Variants in SLC35F2 observed in about 807,000 individuals in gnomAD.
SLC35F2 encodes queuine/queuosine transporter SLC35F2.
A neutral mutation model predicts 38.1 loss-of-function variants in SLC35F2; 25 were observed. The ratio of observed to expected loss-of-function variants is 0.66; its 90% CI spans 0.48 to 0.92. The LOEUF is 0.92. Among genes scored for constraint, SLC35F2 ranks in the 40% least tolerant of loss-of-function variants. SLC35F2 has a pLI of 0.00. For missense variants in SLC35F2, 409 were observed against 452.9 expected (o/e 0.90, Z 0.88); for synonymous variants, 173 against 181.7 (o/e 0.95, Z 0.38).
At chr11:107,797,146 T>A (rs1368944850) in intron 7 of SLC35F2, among the ~76,000 whole-genome samples, 1 of 152,178 alleles carries the variant, frequency 6.6e-6, no homozygotes, top group Non-Finnish European at 1.5e-5. Flanking sequence ...GTCTTATGTA[T>A]CCCATAAATA....
In SLC35F2 at chr11:107,804,597, T is replaced by C. The variant is rs535234879; in HGVS notation, c.784+121A>G. On this transcript the variant is annotated intron_variant, in intron 6 of 7. Coordinates refer to ENST00000525815, the MANE Select transcript of SLC35F2 (RefSeq NM_017515.5). The stretch of plus-strand genomic sequence containing the variant: ...AATGTAAACCACTATAGTTGATATG[T>C]ATTAAATCACTCCTGGATTTTACAA... 6.4e-5 allele frequency: 46 copies of C among 719,856 alleles called. No homozygotes were observed. In the South Asian group the frequency reaches 8.7e-4, roughly 14 times the overall value. 44.6% of individuals were successfully genotyped at this position (719,856 alleles called of 1,614,324 possible).
At chr11:107,827,149 G>C (rs1461469306) in intron 1 of SLC35F2, among the ~76,000 whole-genome samples, 2 of 152,120 alleles carry the variant, frequency 1.3e-5, no homozygotes, top group East Asian at 3.9e-4. Context: ...GAACTTTACT[G>C]AAAGGTACAA....
intron 1 of SLC35F2, among the ~76,000 whole-genome samples, chr11:107,856,520 C>A (rs867686111): frequency 1.3e-4 from 20 of 152,270 alleles, no homozygotes; most frequent in Admixed American, 5.9e-4. Flanking sequence ...CATGGGGAAA[C>A]CCCATCTCTA....
chr11:107,810,938 TAC>T (rs1859470403), intron 3 of SLC35F2: 25 of 972,958 alleles, frequency 2.6e-5, no homozygotes, highest in South Asian at 4.8e-5. Context: ...CCACATCTGA[TAC>T]ACACTTTTTT....
intron 1 of SLC35F2, among the ~76,000 whole-genome samples, chr11:107,857,755 G>T (rs1860316318): frequency 6.6e-6 from 1 of 152,014 alleles, no homozygotes; most frequent in Non-Finnish European, 1.5e-5. Flanking sequence ...TTTAGACTAC[G>T]GCTTGAACGC....
intron 1 of SLC35F2, chr11:107,824,005 T>A: frequency 1.0e-6 from 1 of 984,564 alleles, no homozygotes. Flanking sequence ...GCAGCCAAGA[T>A]GAACTGTTTT....
chr11:107,835,433 CT>C (rs34100475), intron 1 of SLC35F2, among the ~76,000 whole-genome samples: 1,540 of 148,866 alleles, frequency 0.01, 42 homozygotes, highest in African/African-American at 0.036. Flanking sequence ...CCCACAGTGA[CT>C]TTTTTTTTTT....
intron 1 of SLC35F2, among the ~76,000 whole-genome samples, chr11:107,830,483 C>T (rs1354091034): frequency 2.0e-5 from 3 of 150,258 alleles, no homozygotes; most frequent in Middle Eastern, 6.8e-3. Flanking sequence ...ACTCAGGAGG[C>T]TGAGGCAGGA....
intron 7 of SLC35F2, among the ~76,000 whole-genome samples, chr11:107,800,706 G>A (rs1423073494): frequency 6.6e-6 from 1 of 152,010 alleles, no homozygotes; most frequent in African/African-American, 2.4e-5. Flanking sequence ...GTCTCTCTCT[G>A]GAGTGGCTGG....
chr11:107,830,812 TAA>T (rs1859828118), intron 1 of SLC35F2, among the ~76,000 whole-genome samples: 1 of 152,014 alleles, frequency 6.6e-6, no homozygotes, highest in Admixed American at 6.6e-5. Context: ...TCTGATTAGT[TAA>T]AAGAGAGAGA....
In SLC35F2 at chr11:107,792,360, T is replaced by G; in HGVS notation, c.*255A>C. ...GTGCCTCTAAGACCCCAGTGTGGAG[T>G]CTGCACCTCATCTCCTCAACACGAA... On this transcript the variant is annotated 3_prime_UTR_variant, in exon 8 of 8. Coordinates refer to ENST00000525815, the MANE Select transcript of SLC35F2 (RefSeq NM_017515.5). The G allele has an allele frequency of 2.8e-6, 1 of 357,746 alleles. No individual in the cohort carries two copies. Among genetic ancestry groups the G allele is most frequent in the Non-Finnish European group, 5.0e-6 (1 of 198,750 alleles). The allele number at this position is 357,746 out of a possible 1,614,324, so 22.2% of individuals were successfully genotyped here. A position where few individuals can be genotyped will look rare whatever the true frequency, so the allele number is the denominator to read the frequency against.
chr11:107,826,856 T>C (rs1859761024), intron 1 of SLC35F2, among the ~76,000 whole-genome samples: 1 of 152,154 alleles, frequency 6.6e-6, no homozygotes, highest in Non-Finnish European at 1.5e-5. Flanking sequence ...AACTGTACAA[T>C]AGCTTAAACT....
Position 107,792,548 on chromosome 11 carries a change from G to A in SLC35F2, c.*67C>T. On this transcript the variant is annotated 3_prime_UTR_variant, in exon 8 of 8. Coordinates refer to ENST00000525815, the MANE Select transcript of SLC35F2 (RefSeq NM_017515.5). Reference sequence around the variant, plus strand: ...CATTCTGAGTCTGCTATTTCCCCAAGTGTCCCCTCAGCAGGCAGCAGGCTC... The same window carrying A: ...CATTCTGAGTCTGCTATTTCCCCAAATGTCCCCTCAGCAGGCAGCAGGCTC... 2 of 1,507,430 alleles carry A rather than the reference G, an allele frequency of 1.3e-6. No homozygotes were observed. The highest frequency in any genetic ancestry group is 1.8e-6 in the Non-Finnish European group (2 of 1,124,730). The allele number at this position is 1,507,430 out of a possible 1,614,324, so 93.4% of individuals were successfully genotyped here.
chr11:107,843,871 ATATATATATATATATAT>A (rs1565440756), intron 1 of SLC35F2, among the ~76,000 whole-genome samples: 11,082 of 39,684 alleles, frequency 0.28, 1,472 homozygotes, highest in South Asian at 0.42. Flanking sequence ...AAAAAAAAAT[ATATATATATATATATAT>A]ATATATATAT....
chr11:107,818,065 AAAAAAAAAAAGAAAGAAAG>A (rs1321671461), intron 1 of SLC35F2, among the ~76,000 whole-genome samples: 6 of 134,024 alleles, frequency 4.5e-5, no homozygotes, highest in African/African-American at 1.6e-4. Flanking sequence ...TCAAAAAAAA[AAAAAAAAAAAGAAAGAAAG>A]AAAGAAAGAA....
chr11:107,807,004 C>A (rs1229020160), intron 3 of SLC35F2, 128 bp from the exon 4 acceptor site: 3 of 776,048 alleles, frequency 3.9e-6, no homozygotes, highest in Non-Finnish European at 4.0e-6. Context: ...TTATTGCCAG[C>A]CCTGTACTAA....
At chr11:107,805,820 G>T in intron 4 of SLC35F2, 1 of 226,696 alleles carries the variant, frequency 4.4e-6, no homozygotes, top group Non-Finnish European at 7.3e-6. Flanking sequence ...GGGATTACAG[G>T]CACCCTCCAT....
intron 1 of SLC35F2, among the ~76,000 whole-genome samples, chr11:107,834,517 G>A (rs960134709): frequency 2.0e-5 from 3 of 152,124 alleles, no homozygotes; most frequent in African/African-American, 4.8e-5. Flanking sequence ...GGGTGTGGTG[G>A]CGCATGTCTG....
Position 107,803,077 on chromosome 11 carries a change from G to T in SLC35F2, c.863C>A (p.Ala288Asp). Reference protein sequence around the residue: ...FMPLVIKVTSATSVNLGILTA... With the variant: ...FMPLVIKVTSDTSVNLGILTA... ...CAGGATGCCCAGGTTGACGGAAGTG[G>T]CACTAGTGACTTTAATCACCAATGG... Residue 288 changes from alanine to aspartate, a missense_variant, in exon 7 of 8, where the codon GCC becomes GAC. Physicochemically the swap from Ala to Asp is moderately radical, Grantham distance 126. Transcript: ENST00000525815. 1 of 1,613,936 alleles carries T rather than the reference G, an allele frequency of 6.2e-7. No homozygotes were observed. Among genetic ancestry groups the T allele is most frequent in the Non-Finnish European group, 8.5e-7 (1 of 1,179,924 alleles).
Sources: gnomAD v4.1 joint callset for allele counts (sites outside exome capture counted in the v4.1 genomes callset) on GRCh38, gnomAD v4.1.1 for gene constraint, MANE v1.5 for transcripts, NCBI Gene and HGNC (gene_info 2026-07-23, HGNC 2026-07-21) for gene names.